Variants in CHP1 observed in about 807,000 individuals in gnomAD.
The protein encoded by CHP1 is calcineurin like EF-hand protein 1.
CHP1 carries 11 observed loss-of-function variants against 27.4 expected under a neutral mutation model. The observed-to-expected ratio is 0.40, with a 90% confidence interval of 0.25 to 0.67. The LOEUF (loss-of-function observed/expected upper bound fraction) is 0.67, where lower values mean the gene tolerates loss of function less well. CHP1 is among the 30% of genes least tolerant of loss of function. The pLI is 0.38. For missense variants in CHP1, 169 were observed against 251.3 expected (o/e 0.67, Z 2.22); for synonymous variants, 89 against 87.4 (o/e 1.02, Z -0.10).
chr15:41,231,270 T>G lies in CHP1; in HGVS notation c.-113T>G. ...CCTGGGTTCCCTCCCGGGTCCGCAG[T>G]GGAAACACTGCCCTCTCCCTTCTTG... On this transcript the variant is annotated 5_prime_UTR_variant, in exon 1 of 7. Transcript: ENST00000334660. 9.1e-7 allele frequency: 1 copy of G among 1,098,668 alleles called. No homozygotes were observed. 68.1% of individuals were successfully genotyped at this position (1,098,668 alleles called of 1,614,324 possible). A position where few individuals can be genotyped will look rare whatever the true frequency, so the allele number is the denominator to read the frequency against.
chr15:41,276,673 G>A (rs1397594153), intron 5 of CHP1, among the ~76,000 whole-genome samples: 1 of 152,146 alleles, frequency 6.6e-6, no homozygotes, highest in Non-Finnish European at 1.5e-5. Context: ...AGGGGATTTA[G>A]CATTTAACTC....
chr15:41,235,539 C>G (rs1280844742), intron 1 of CHP1, among the ~76,000 whole-genome samples: 2 of 151,466 alleles, frequency 1.3e-5, no homozygotes, highest in Non-Finnish European at 2.9e-5. Context: ...CAAAAACAAA[C>G]AACAACCACA....
At chr15:41,277,646 G>A (rs1487073264) in intron 5 of CHP1, among the ~76,000 whole-genome samples, 2 of 152,090 alleles carry the variant, frequency 1.3e-5, no homozygotes, top group Non-Finnish European at 2.9e-5. Context: ...AAATTAGCTG[G>A]GTGTGGTGTC....
At chr15:41,249,656 T>G (rs911628445) in intron 2 of CHP1, among the ~76,000 whole-genome samples, 1 of 151,768 alleles carries the variant, frequency 6.6e-6, no homozygotes, top group Non-Finnish European at 1.5e-5. Flanking sequence ...GTATTTTTAG[T>G]AGAGACGGGG....
chr15:41,245,460 G>A (rs748432457), intron 2 of CHP1, among the ~76,000 whole-genome samples: 1 of 152,136 alleles, frequency 6.6e-6, no homozygotes, highest in South Asian at 2.1e-4. Flanking sequence ...CAGCCTGGGC[G>A]ACAGAGAGAG....
Position 41,279,344 on chromosome 15 carries a change from G to A in CHP1, c.543G>A (p.Glu181=), listed in dbSNP as rs750145893. The part of the protein sequence containing the change: ...ISFTEFVKVL[E]KVDVEQKMSI... ...CTGGTTTTCTCCCCCAGGTTTTGGA[G>A]AAGGTGGATGTAGAACAGAAAATGA... The change falls in exon 7 of 7, where the codon GAG becomes GAA. Residue 181 remains glutamate, a synonymous_variant. Transcript: ENST00000334660. The A allele has an allele frequency of 3.7e-6, 6 of 1,613,632 alleles. No homozygotes were observed. The African/African-American group carries it at 5.3e-5, about 14-fold the overall frequency.
At chr15:41,263,938 C>G (rs1393112006) in intron 4 of CHP1, among the ~76,000 whole-genome samples, 1 of 152,128 alleles carries the variant, frequency 6.6e-6, no homozygotes, top group Non-Finnish European at 1.5e-5. Context: ...TACATGGTGT[C>G]TTAGGATACC....
At chr15:41,262,624 T>G in intron 3 of CHP1, 132 bp from the exon 4 acceptor site, 2 of 1,152,330 alleles carry the variant, frequency 1.7e-6, no homozygotes, top group Non-Finnish European at 2.5e-6. Context: ...CAAAGTACCA[T>G]GCGTATGGAA....
intron 3 of CHP1, among the ~76,000 whole-genome samples, chr15:41,258,435 G>A (rs1297342320): frequency 6.6e-6 from 1 of 152,034 alleles, no homozygotes; most frequent in Non-Finnish European, 1.5e-5. Flanking sequence ...CCAATAATCT[G>A]TTTTATAGCA....
chr15:41,276,100 G>A (rs1595483664), intron 5 of CHP1, among the ~76,000 whole-genome samples: 1 of 151,986 alleles, frequency 6.6e-6, no homozygotes, highest in Non-Finnish European at 1.5e-5. Flanking sequence ...AATTAGCCAG[G>A]CATGCTGTTG....
chr15:41,237,910 A>G (rs1424572649), intron 1 of CHP1, among the ~76,000 whole-genome samples: 1 of 152,120 alleles, frequency 6.6e-6, no homozygotes, highest in Non-Finnish European at 1.5e-5. Context: ...GGGTTTCCCC[A>G]TGTTGGCCAG....
intron 1 of CHP1, among the ~76,000 whole-genome samples, chr15:41,235,628 T>C (rs897967374): frequency 3.3e-5 from 5 of 152,238 alleles, no homozygotes; most frequent in African/African-American, 1.2e-4. Flanking sequence ...TTTTGGTATA[T>C]GTCATGTGGT....
At chr15:41,270,074 C>G (rs1016762218) in intron 4 of CHP1, among the ~76,000 whole-genome samples, 7 of 152,124 alleles carry the variant, frequency 4.6e-5, no homozygotes, top group African/African-American at 1.7e-4. Flanking sequence ...TTCTTTACCT[C>G]CAGGACTCCC....
chr15:41,249,774 G>A (rs1446254497), intron 2 of CHP1, among the ~76,000 whole-genome samples: 5 of 151,418 alleles, frequency 3.3e-5, no homozygotes, highest in Admixed American at 6.6e-5. Context: ...GCCCGGCCTC[G>A]CCTTCACCTT....
chr15:41,236,330 C>T lies in CHP1; in HGVS notation c.67+4881C>T, dbSNP rs139567636. Among the ~76,000 whole-genome samples, 455 of 152,238 alleles carry T rather than the reference C, an allele frequency of 3.0e-3. 2 individuals carry two copies. The highest frequency in any genetic ancestry group is 6.2e-3 in the African/African-American group (258 of 41,554). On this transcript the variant is annotated intron_variant, in intron 1 of 6. Transcript: ENST00000334660. ...AGGCTGGAGTGCAATGGCATGATCA[C>T]GGCTCACTGCAGCCTCAAGCTTCTG...
At chr15:41,251,034 A>G (rs1298042558) in intron 2 of CHP1, among the ~76,000 whole-genome samples, 2 of 152,036 alleles carry the variant, frequency 1.3e-5, no homozygotes, top group Non-Finnish European at 2.9e-5. Flanking sequence ...GGGTTTCACC[A>G]TGTTGGCCAG....
chr15:41,262,915 C>A, intron 4 of CHP1, 32 bp downstream of exon 4: 1 of 1,607,790 alleles, frequency 6.2e-7, no homozygotes, highest in Non-Finnish European at 8.5e-7. Context: ...GCTTAAAATA[C>A]TTGCTTTTCA....
intron 5 of CHP1, among the ~76,000 whole-genome samples, chr15:41,274,144 A>C (rs879822427): frequency 4.6e-5 from 7 of 151,830 alleles, no homozygotes; most frequent in Non-Finnish European, 7.4e-5. Context: ...TATTTTTAGT[A>C]GAGACGGGGT....
intron 1 of CHP1, among the ~76,000 whole-genome samples, chr15:41,243,393 C>T (rs781077772): frequency 6.6e-6 from 1 of 152,118 alleles, no homozygotes; most frequent in South Asian, 2.1e-4. Context: ...CAAAATTTGC[C>T]TTTGTTTTGT....
Sources: gnomAD v4.1 joint callset for allele counts (sites outside exome capture counted in the v4.1 genomes callset) on GRCh38, gnomAD v4.1.1 for gene constraint, MANE v1.5 for transcripts, NCBI Gene and HGNC (gene_info 2026-07-23, HGNC 2026-07-21) for gene names.